GRAMD2B: variants seen among roughly 807,000 people sequenced by gnomAD.
GRAMD2B encodes GRAM domain containing 2B.
GRAMD2B carries 41 observed loss-of-function variants against 59.2 expected under a neutral mutation model. The ratio of observed to expected loss-of-function variants is 0.69; its 90% CI spans 0.54 to 0.90. GRAMD2B has a LOEUF of 0.90. Among genes scored for constraint, GRAMD2B ranks in the 40% least tolerant of loss-of-function variants. GRAMD2B has a pLI of 0.00. For synonymous variants in GRAMD2B, 161 were observed against 182.7 expected, an observed-to-expected ratio of 0.88 and a Z score of 0.96; for missense variants, 424 against 500.5, an observed-to-expected ratio of 0.85 and a Z score of 1.46.
chr5:126,378,490 C>T (rs1755389840), intron 1 of GRAMD2B, among the ~76,000 whole-genome samples: 1 of 151,828 alleles, frequency 6.6e-6, no homozygotes, highest in Non-Finnish European at 1.5e-5. Context: ...CTTGTTCGTA[C>T]TTTTCTTAAA....
upstream of GRAMD2B, among the ~76,000 whole-genome samples, chr5:126,368,903 A>G (rs1333719086): frequency 6.6e-6 from 1 of 152,210 alleles, no homozygotes; most frequent in Non-Finnish European, 1.5e-5. Flanking sequence ...GGACCAACTC[A>G]TCTCATTCTG....
At chr5:126,423,057 T>A, upstream of GRAMD2B, 1 of 565,762 alleles carries the variant, frequency 1.8e-6, no homozygotes, top group Non-Finnish European at 2.2e-6. Flanking sequence ...AGCAATATCC[T>A]GTTTGAATAA....
intron 1 of GRAMD2B, among the ~76,000 whole-genome samples, chr5:126,445,952 C>T (rs1481043524): frequency 6.6e-6 from 1 of 152,140 alleles, no homozygotes; most frequent in Non-Finnish European, 1.5e-5. Flanking sequence ...GTAGGCAGCT[C>T]CTACTGCTGT....
At chr5:126,487,603 A>G (rs1169477267) in intron 12 of GRAMD2B, among the ~76,000 whole-genome samples, 1 of 152,260 alleles carries the variant, frequency 6.6e-6, no homozygotes, top group Non-Finnish European at 1.5e-5. Context: ...GTGTACATTT[A>G]GCCCAAGTTT....
At chr5:126,425,315 T>A (rs1190106528) in intron 1 of GRAMD2B, among the ~76,000 whole-genome samples, 24 of 152,174 alleles carry the variant, frequency 1.6e-4, no homozygotes, top group Admixed American at 1.2e-3. Flanking sequence ...GATAAAGGGA[T>A]AAGAAAATGT....
intron 1 of GRAMD2B, 107 bp downstream of exon 1, chr5:126,423,796 TATGGACA>T (rs1321804092): frequency 1.3e-5 from 14 of 1,065,630 alleles, no homozygotes; most frequent in Admixed American, 5.8e-5. Flanking sequence ...GGAGCTCCTA[TATGGACA>T]ATCTTGTGGC....
rs549745005 is a variant in GRAMD2B, at chr5:126,394,028, A to C, written c.125+22461A>C. On this transcript the variant is annotated intron_variant, in intron 1 of 8. Coordinates refer to the GRAMD2B transcript ENST00000506445. ...GGTGGCTCACACCTGTTAGCCCAGC[A>C]CTTCGGGAGGCCAAGGCGGGCAGAT... 3.6e-4 allele frequency among the ~76,000 whole-genome samples: 55 copies of C among 152,318 alleles called. 1 individual carries two copies. Among genetic ancestry groups the C allele is most frequent in the African/African-American group, 1.3e-3 (53 of 41,564 alleles).
At chr5:126,431,109 C>G (rs1050435132) in intron 1 of GRAMD2B, among the ~76,000 whole-genome samples, 2 of 152,142 alleles carry the variant, frequency 1.3e-5, no homozygotes, top group Non-Finnish European at 2.9e-5. Flanking sequence ...TAACACTTCC[C>G]AACGTTTTGG....
chr5:126,369,520 C>G (rs937464616), upstream of GRAMD2B, among the ~76,000 whole-genome samples: 2 of 152,036 alleles, frequency 1.3e-5, no homozygotes, highest in African/African-American at 4.8e-5. Flanking sequence ...GCCTTTCTAT[C>G]GCTTTTATTT....
At chr5:126,378,030 T>G (rs532804859) in intron 1 of GRAMD2B, among the ~76,000 whole-genome samples, 38 of 152,226 alleles carry the variant, frequency 2.5e-4, no homozygotes, top group Non-Finnish European at 4.0e-4. Context: ...TTCTTTTTCT[T>G]TCTTTTTTGG....
chr5:126,475,970 T>C (rs2126864698), intron 5 of GRAMD2B, among the ~76,000 whole-genome samples: 1 of 152,254 alleles, frequency 6.6e-6, no homozygotes, highest in Non-Finnish European at 1.5e-5. Context: ...CAGCCAGGCA[T>C]GGTGGTACAT....
At chr5:126,458,617 T>C (rs1028732000) in intron 1 of GRAMD2B, among the ~76,000 whole-genome samples, 3 of 152,164 alleles carry the variant, frequency 2.0e-5, no homozygotes, top group Non-Finnish European at 4.4e-5. Context: ...ACCACGGTTG[T>C]ATATAACTAG....
At chr5:126,481,238 A>T (rs1771767994) in intron 8 of GRAMD2B, among the ~76,000 whole-genome samples, 1 of 142,918 alleles carries the variant, frequency 7.0e-6, no homozygotes. Flanking sequence ...AAAGAAAGAA[A>T]GAAAGAAAGA....
intron 1 of GRAMD2B, among the ~76,000 whole-genome samples, chr5:126,437,326 C>T (rs1359496284): frequency 6.6e-6 from 1 of 152,164 alleles, no homozygotes; most frequent in African/African-American, 2.4e-5. Context: ...ATTGACAGAG[C>T]GAGAAAGCCA....
chr5:126,387,997 A>T (rs1401552844), intron 1 of GRAMD2B, among the ~76,000 whole-genome samples: 2 of 152,150 alleles, frequency 1.3e-5, no homozygotes, highest in African/African-American at 4.8e-5. Context: ...TGGGTTTTTT[A>T]TTAAAGAAAC....
At chr5:126,421,102 A>G (rs1192211987), upstream of GRAMD2B, among the ~76,000 whole-genome samples, 3 of 152,230 alleles carry the variant, frequency 2.0e-5, no homozygotes, top group South Asian at 6.2e-4. Flanking sequence ...AGAAAGAGTT[A>G]TTGTTTAATG....
chr5:126,427,623 G>A (rs1170117352), intron 1 of GRAMD2B, among the ~76,000 whole-genome samples: 2 of 152,080 alleles, frequency 1.3e-5, no homozygotes, highest in Admixed American at 6.5e-5. Flanking sequence ...AATAAAGGTT[G>A]GTTATTTTTA....
intron 1 of GRAMD2B, among the ~76,000 whole-genome samples, chr5:126,365,585 G>C (rs1225421844): frequency 6.6e-6 from 1 of 152,126 alleles, no homozygotes; most frequent in Non-Finnish European, 1.5e-5. Flanking sequence ...TTGCTCAACT[G>C]TCAGTTCATT....
In GRAMD2B at chr5:126,484,535, G is replaced by T. The variant is rs746547731; in HGVS notation, c.970+11G>T. On this transcript the variant is annotated intron_variant, in intron 10 of 13. Coordinates refer to ENST00000285689, the MANE Select transcript of GRAMD2B (RefSeq NM_023927.4). ...GTCTCCCTGTACAGGGTAAGGAATG[G>T]ATGTCTCAGGGGGGTGGGTTTAGAA... 3.1e-6 allele frequency: 5 copies of T among 1,607,442 alleles called. No homozygotes were observed. Among genetic ancestry groups the T allele is most frequent in the Non-Finnish European group, 3.4e-6 (4 of 1,177,886 alleles).
Sources: allele counts gnomAD v4.1 joint callset (sites outside exome capture counted in the v4.1 genomes callset), GRCh38; gene constraint gnomAD v4.1.1; transcripts MANE v1.5; gene names NCBI Gene and HGNC (gene_info 2026-07-23, HGNC 2026-07-21).